Variants in AKAP13 observed in about 807,000 individuals in gnomAD.
The protein encoded by AKAP13 is A-kinase anchor protein 13.
A neutral mutation model predicts 264.5 loss-of-function variants in AKAP13; 80 were observed. The observed-to-expected ratio is 0.30, with a 90% confidence interval of 0.25 to 0.36. The LOEUF (loss-of-function observed/expected upper bound fraction) is 0.36. Ranked by LOEUF, AKAP13 falls within the 10% of genes least tolerant of loss-of-function variation. AKAP13 has a pLI of 1.00. For synonymous variants in AKAP13, 1,380 were observed against 1,250.2 expected, an observed-to-expected ratio of 1.10 and a Z score of -2.19; for missense variants, 3,712 against 3,435.2, an observed-to-expected ratio of 1.08 and a Z score of -2.01.
At chr15:85,553,339 C>T (rs1177869941) in intron 5 of AKAP13, among the ~76,000 whole-genome samples, 4 of 152,096 alleles carry the variant, frequency 2.6e-5, no homozygotes, top group East Asian at 3.9e-4. Flanking sequence ...CCGCCTGCCT[C>T]GGCCTCCCAA....
At chr15:85,488,922 G>A (rs893373895) in intron 2 of AKAP13, among the ~76,000 whole-genome samples, 2 of 152,190 alleles carry the variant, frequency 1.3e-5, no homozygotes, top group Non-Finnish European at 2.9e-5. Flanking sequence ...TGTAACAGCA[G>A]TAGAAAACTA....
intron 1 of AKAP13, among the ~76,000 whole-genome samples, chr15:85,416,193 A>G (rs1448991252): frequency 1.3e-5 from 2 of 152,240 alleles, no homozygotes; most frequent in African/African-American, 2.4e-5. Flanking sequence ...AAATGGACAC[A>G]TAATATTTAG....
At chr15:85,575,960 G>A (rs2078997444) in intron 6 of AKAP13, among the ~76,000 whole-genome samples, 1 of 152,280 alleles carries the variant, frequency 6.6e-6, no homozygotes, top group South Asian at 2.1e-4. Context: ...CACTCCTGCC[G>A]GGGTGACAGA....
rs747774362 is a variant in AKAP13 at position 85,580,301 on chromosome 15, G to T, written c.2233G>T (p.Asp745Tyr). Reference protein sequence around the residue: ...KVVDNKGQRKDVKLDKPLTNM... With the variant: ...KVVDNKGQRKYVKLDKPLTNM... ...GGTGGATAACAAAGGCCAACGAAAA[G>T]ATGTGAAACTAGATAAACCTTTAAC... The change falls in exon 7 of 37, where the codon GAT becomes TAT. Residue 745 changes from aspartate (D) to tyrosine (Y), a missense_variant. By Grantham distance (160) the Asp-to-Tyr change is radical. This residue lies in a region of AKAP13 where 2,759 missense variants were observed against 2,411.7 expected (regional missense o/e 1.14). Transcript: ENST00000394518. 3 of 1,614,210 alleles carry T rather than the reference G, an allele frequency of 1.9e-6. No individual in the cohort carries two copies. In the East Asian group the frequency reaches 6.7e-5, roughly 36 times the overall value.
At chr15:85,386,955 G>A (rs537009685) in intron 1 of AKAP13, among the ~76,000 whole-genome samples, 3 of 152,082 alleles carry the variant, frequency 2.0e-5, no homozygotes, top group Non-Finnish European at 4.4e-5. Flanking sequence ...TATTTTAGTT[G>A]CATTGCCTTT....
At chr15:85,634,978 G>A (rs2082011447) in intron 8 of AKAP13, 3 of 394,274 alleles carry the variant, frequency 7.6e-6, no homozygotes, top group African/African-American at 2.1e-5. Flanking sequence ...ACCATTTGAT[G>A]GCAATCTGGA....
At position 85,580,586 on chromosome 15, in the gene AKAP13, C is replaced by T. The variant is rs766610873; in HGVS notation, c.2518C>T (p.Leu840=). Residue 840 remains leucine, a synonymous_variant, in exon 7 of 37, where the codon CTA becomes TTA. Coordinates refer to ENST00000394518, the MANE Select transcript of AKAP13 (RefSeq NM_007200.5). The part of the protein sequence containing the change: ...GNSNEPDTRP[L]EDRAVGLSTS... ...TTCGAATGAGCCTGATACGCGGCCA[C>T]TAGAAGACAGGGCAGTAGGCCTGTC... 1 of 1,614,242 alleles carries T rather than the reference C, an allele frequency of 6.2e-7. No homozygotes were observed. Among genetic ancestry groups the T allele is most frequent in the East Asian group, 2.2e-5 (1 of 44,894 alleles).
At chr15:85,625,570 G>T (rs1596772531) in intron 8 of AKAP13, among the ~76,000 whole-genome samples, 1 of 152,148 alleles carries the variant, frequency 6.6e-6, no homozygotes. Context: ...GTATGTTTCA[G>T]ATGTGGCCAG....
chr15:85,452,722 T>A (rs1431160655), intron 1 of AKAP13, among the ~76,000 whole-genome samples: 2 of 152,102 alleles, frequency 1.3e-5, no homozygotes, highest in Admixed American at 1.3e-4. Context: ...TAAACAGTTG[T>A]TCAGTTGTGT....
At chr15:85,716,493 A>G (rs1463765466) in intron 20 of AKAP13, among the ~76,000 whole-genome samples, 1 of 152,278 alleles carries the variant, frequency 6.6e-6, no homozygotes, top group South Asian at 2.1e-4. Context: ...GGGGGCTGAT[A>G]ATGATGTTGC....
Position 85,617,791 on chromosome 15 carries a change from G to T in AKAP13, c.4162-21583G>T, listed in dbSNP as rs150077156. On this transcript the variant is annotated intron_variant, in intron 8 of 36. Transcript: ENST00000394518. Reference sequence around the variant, plus strand: ...AGTATCAGTTTATCTATACATTCAAGCCTAAAGGCTCTTTCTGTCTGTGCC... The same window carrying T: ...AGTATCAGTTTATCTATACATTCAATCCTAAAGGCTCTTTCTGTCTGTGCC... Among the ~76,000 whole-genome samples the T allele has an allele frequency of 5.9e-5, 9 of 152,336 alleles. No homozygotes were observed. The East Asian group carries it at 1.7e-3, about 29-fold the overall frequency.
chr15:85,710,736 G>A, intron 19 of AKAP13, 91 bp downstream of exon 19: 1 of 1,374,368 alleles, frequency 7.3e-7, no homozygotes, highest in South Asian at 1.4e-5. Flanking sequence ...ATTATTCATA[G>A]TCAAGATATG....
intron 1 of AKAP13, among the ~76,000 whole-genome samples, chr15:85,432,440 G>A (rs577040608): frequency 1.3e-5 from 2 of 151,896 alleles, no homozygotes; most frequent in African/African-American, 2.4e-5. Context: ...TGTAAAATAC[G>A]GGAGAATTCT....
Position 85,579,617 on chromosome 15 carries a change from G to A in AKAP13, c.1549G>A (p.Gly517Arg). ...TGAGAACTCTAATATTGGCACAGCT[G>A]GAGCCTCTGACGTGCACGTCACAAG... ...RFENSNIGTA[G>R]ASDVHVTSKP... The change falls in exon 7 of 37, where the codon GGA becomes AGA. Residue 517 changes from glycine to arginine, a missense_variant. Physicochemically the swap from Gly to Arg is moderately radical, Grantham distance 125. Transcript: ENST00000394518. 2 of 1,614,228 alleles carry A rather than the reference G, an allele frequency of 1.2e-6. No homozygotes were observed. The highest frequency in any genetic ancestry group is 2.2e-5 in the South Asian group (2 of 91,086).
At chr15:85,640,406 C>T (rs533882467) in intron 9 of AKAP13, among the ~76,000 whole-genome samples, 2 of 152,138 alleles carry the variant, frequency 1.3e-5, no homozygotes, top group South Asian at 4.1e-4. Flanking sequence ...ATGTAGATAC[C>T]CTCCAGTAGT....
In AKAP13 at chr15:85,580,062, C is replaced by T; in HGVS notation, c.1994C>T (p.Ser665Phe). Residue 665 changes from serine (S) to phenylalanine (F), a missense_variant, in exon 7 of 37, where the codon TCT becomes TTT. Ser to Phe is a radical substitution (Grantham distance 155). Transcript: ENST00000394518. Reference sequence around the variant, plus strand: ...GGAGACGATAAACTTTGTGCAGACTCTGCATGTCAACAGAACACAGTGACT... The same window carrying T: ...GGAGACGATAAACTTTGTGCAGACTTTGCATGTCAACAGAACACAGTGACT... ...TTGDDKLCAD[S>F]ACQQNTVTSS... The T allele has an allele frequency of 1.2e-6, 2 of 1,614,214 alleles. No individual in the cohort carries two copies. The highest frequency in any genetic ancestry group is 1.7e-6 in the Non-Finnish European group (2 of 1,180,034).
At chr15:85,453,250 A>C (rs1172299046) in intron 1 of AKAP13, among the ~76,000 whole-genome samples, 1 of 152,088 alleles carries the variant, frequency 6.6e-6, no homozygotes, top group Non-Finnish European at 1.5e-5. Context: ...CTGTCCAGGG[A>C]GTTGCTGAGT....
At chr15:85,488,807 T>A (rs535927863) in intron 2 of AKAP13, among the ~76,000 whole-genome samples, 1 of 152,352 alleles carries the variant, frequency 6.6e-6, no homozygotes, top group East Asian at 1.9e-4. Flanking sequence ...TGCTGGCACC[T>A]TGATTTTTAA....
intron 13 of AKAP13, among the ~76,000 whole-genome samples, chr15:85,667,539 A>C (rs180678678): frequency 1.3e-5 from 2 of 152,120 alleles, no homozygotes; most frequent in Non-Finnish European, 2.9e-5. Flanking sequence ...TTTAAAATAA[A>C]TTGCATTTCA....
Sources: gnomAD v4.1 joint callset for allele counts (sites outside exome capture counted in the v4.1 genomes callset) on GRCh38, gnomAD v4.1.1 for gene constraint, gnomAD v4.1.1 regional missense constraint, MANE v1.5 for transcripts, NCBI Gene and HGNC (gene_info 2026-07-23, HGNC 2026-07-21) for gene names.